Variants in TMEM117 observed in about 807,000 individuals in gnomAD.
TMEM117 encodes transmembrane protein 117.
A neutral mutation model predicts 52.4 loss-of-function variants in TMEM117; 27 were observed. The observed-to-expected ratio is 0.51, with a 90% CI of 0.38 to 0.71. The LOEUF (loss-of-function observed/expected upper bound fraction) is 0.71, where lower values mean the gene tolerates loss of function less well. Ranked by LOEUF, TMEM117 falls within the 30% of genes least tolerant of loss-of-function variation. The pLI is 0.00. For synonymous variants in TMEM117, 215 were observed against 206.3 expected (o/e 1.04, Z -0.36); for missense variants, 556 against 630.5 (o/e 0.88, Z 1.26).
intron 3 of TMEM117, among the ~76,000 whole-genome samples, chr12:43,976,801 G>C (rs932865906): frequency 6.6e-6 from 1 of 152,126 alleles, no homozygotes; most frequent in Non-Finnish European, 1.5e-5. Context: ...GAGTATAGAT[G>C]TGTGCAGCAA....
intron 4 of TMEM117, among the ~76,000 whole-genome samples, chr12:44,200,752 A>T (rs1186634681): frequency 3.9e-5 from 6 of 152,190 alleles, no homozygotes; most frequent in Non-Finnish European, 8.8e-5. Context: ...AGGAAACATG[A>T]TGGTTACTGA....
chr12:44,312,568 A>G (rs1302833807), intron 6 of TMEM117, among the ~76,000 whole-genome samples: 1 of 152,170 alleles, frequency 6.6e-6, no homozygotes, highest in Non-Finnish European at 1.5e-5. Flanking sequence ...TCTGTGATAC[A>G]TATGTGAGTG....
chr12:44,183,377 T>C lies in TMEM117; in HGVS notation c.511-27913T>C, dbSNP rs370772433. On this transcript the variant is annotated intron_variant, in intron 4 of 7. Transcript: ENST00000266534. Reference sequence around the variant, plus strand: ...ACTTTGCATAGCTGTTAATTGAGAATACTTACATTTTTAGGTGACATGAAG... The same window carrying C: ...ACTTTGCATAGCTGTTAATTGAGAACACTTACATTTTTAGGTGACATGAAG... 1.1e-4 allele frequency among the ~76,000 whole-genome samples: 17 copies of C among 152,358 alleles called. No homozygotes were observed. In the East Asian group the frequency reaches 1.2e-3, roughly 10 times the overall value.
At chr12:44,326,760 G>C (rs1435167982) in intron 6 of TMEM117, among the ~76,000 whole-genome samples, 11 of 152,120 alleles carry the variant, frequency 7.2e-5, no homozygotes, top group Admixed American at 3.3e-4. Flanking sequence ...TGCAATCCAG[G>C]CCTCATTGGG....
chr12:44,312,512 G>C (rs929874867), intron 6 of TMEM117, among the ~76,000 whole-genome samples: 5 of 152,024 alleles, frequency 3.3e-5, no homozygotes, highest in Admixed American at 1.3e-4. Flanking sequence ...ATCCACCGCT[G>C]TTGGGCCCTT....
intron 3 of TMEM117, among the ~76,000 whole-genome samples, chr12:44,075,345 C>T (rs1289954365): frequency 6.6e-6 from 1 of 152,206 alleles, no homozygotes; most frequent in East Asian, 1.9e-4. Context: ...TACTTCATTT[C>T]TTTGTGCAGA....
chr12:44,028,445 G>A (rs560877878), intron 3 of TMEM117, among the ~76,000 whole-genome samples: 2 of 152,282 alleles, frequency 1.3e-5, no homozygotes, highest in South Asian at 2.1e-4. Flanking sequence ...TAAGTCACAC[G>A]ATGAGATCAA....
chr12:43,839,636 T>G (rs1298321032), intron 1 of TMEM117, among the ~76,000 whole-genome samples: 2 of 152,224 alleles, frequency 1.3e-5, no homozygotes, highest in South Asian at 4.1e-4. Flanking sequence ...AATTTTCTCT[T>G]TGAACTTTCT....
At chr12:44,150,655 G>A (rs1353489521) in intron 4 of TMEM117, among the ~76,000 whole-genome samples, 1 of 152,158 alleles carries the variant, frequency 6.6e-6, no homozygotes, top group Non-Finnish European at 1.5e-5. Flanking sequence ...GCTTTTGCAT[G>A]TATAAATATT....
intron 2 of TMEM117, among the ~76,000 whole-genome samples, chr12:43,846,661 T>G (rs1394062075): frequency 6.6e-6 from 1 of 152,102 alleles, no homozygotes; most frequent in Non-Finnish European, 1.5e-5. Flanking sequence ...AAATGTATAC[T>G]CTGTATGCAA....
At chr12:43,985,001 T>C (rs1945824535) in intron 3 of TMEM117, among the ~76,000 whole-genome samples, 1 of 150,280 alleles carries the variant, frequency 6.7e-6, no homozygotes. Flanking sequence ...ACTTCTCTCT[T>C]TGAGATTTTT....
chr12:44,267,545 A>T (rs953216915), intron 5 of TMEM117, among the ~76,000 whole-genome samples: 1 of 152,112 alleles, frequency 6.6e-6, no homozygotes, highest in African/African-American at 2.4e-5. Context: ...TAATGTTAAG[A>T]TTTACTTTGT....
At chr12:44,013,614 C>T (rs1469693533) in intron 3 of TMEM117, among the ~76,000 whole-genome samples, 1 of 152,260 alleles carries the variant, frequency 6.6e-6, no homozygotes, top group African/African-American at 2.4e-5. Flanking sequence ...CTGTGAGGGC[C>T]TGGAGATAAG....
At chr12:44,351,271 C>T (rs891296561) in intron 6 of TMEM117, among the ~76,000 whole-genome samples, 7 of 151,714 alleles carry the variant, frequency 4.6e-5, no homozygotes, top group Admixed American at 1.3e-4. Context: ...CTTGTCAGAC[C>T]GGCATTTTGC....
chr12:43,828,504 C>A, the TMEM117 span, among the ~76,000 whole-genome samples: 2 of 152,198 alleles, frequency 1.3e-5, no homozygotes, highest in Admixed American at 6.5e-5. Flanking sequence ...GGCAGAGAGA[C>A]CAGCCCTTCC....
At chr12:44,242,437 G>C (rs1189470244) in intron 5 of TMEM117, among the ~76,000 whole-genome samples, 2 of 151,778 alleles carry the variant, frequency 1.3e-5, no homozygotes, top group African/African-American at 4.8e-5. Context: ...ATGGACTCCA[G>C]CTCCATCGTC....
intron 5 of TMEM117, among the ~76,000 whole-genome samples, chr12:44,241,604 T>C (rs932271218): frequency 9.2e-5 from 14 of 151,934 alleles, no homozygotes; most frequent in Non-Finnish European, 2.1e-4. Flanking sequence ...AAAAACATTT[T>C]CTCTTTGGTT....
chr12:44,098,554 CTT>C (rs1341502584), intron 3 of TMEM117, among the ~76,000 whole-genome samples: 1 of 152,020 alleles, frequency 6.6e-6, no homozygotes, highest in Non-Finnish European at 1.5e-5. Flanking sequence ...TTACATTTCT[CTT>C]TTAAAATATG....
At chr12:44,218,188 C>A (rs1197587957) in intron 5 of TMEM117, among the ~76,000 whole-genome samples, 1 of 151,708 alleles carries the variant, frequency 6.6e-6, no homozygotes, top group Non-Finnish European at 1.5e-5. Context: ...TGCACCACTT[C>A]ACTCCAGCCT....
Sources: allele counts gnomAD v4.1 joint callset (sites outside exome capture counted in the v4.1 genomes callset), GRCh38; gene constraint gnomAD v4.1.1; transcripts MANE v1.5; gene names NCBI Gene and HGNC (gene_info 2026-07-23, HGNC 2026-07-21).